Variants in MED24 observed in about 807,000 individuals in gnomAD.
MED24 encodes the protein mediator of RNA polymerase II transcription subunit 24.
A neutral mutation model predicts 118.8 loss-of-function variants in MED24; 74 were observed. The observed-to-expected ratio is 0.62, with a 90% CI of 0.52 to 0.76. MED24 has a LOEUF of 0.76. MED24 is among the 30% of genes least tolerant of loss of function. The pLI is 0.00. For missense variants in MED24, 1,041 were observed against 1,278.9 expected (o/e 0.81, Z 2.84); for synonymous variants, 521 against 523.9 (o/e 0.99, Z 0.08).
chr17:40,051,550 G>T (rs1262426634), intron 3 of MED24, among the ~76,000 whole-genome samples: 3 of 151,956 alleles, frequency 2.0e-5, no homozygotes, highest in Non-Finnish European at 4.4e-5. Flanking sequence ...GGAGGCAGAG[G>T]TTGCAGTAAG....
chr17:40,028,416 A>G (rs1219717035), intron 14 of MED24, among the ~76,000 whole-genome samples: 1 of 152,124 alleles, frequency 6.6e-6, no homozygotes. Flanking sequence ...ACCCGGCCAG[A>G]AGGATTTTTA....
chr17:40,039,844 C>T (rs1191915734), intron 3 of MED24, among the ~76,000 whole-genome samples: 1 of 147,320 alleles, frequency 6.8e-6, no homozygotes, highest in Non-Finnish European at 1.5e-5. Context: ...AGTGCAGCGG[C>T]GAGATCTCAG....
Position 40,053,883 on chromosome 17 carries a change from C to A in MED24, c.-37-248G>T, listed in dbSNP as rs890983254. The stretch of plus-strand genomic sequence containing the variant: ...CAGTGGCTCGCACCTGTAATCCCAG[C>A]ACTTCGGGAGGCAGAGGCGGGCGAA... On this transcript the variant is annotated intron_variant, in intron 1 of 25. Transcript: ENST00000394128. 4 of 596,236 alleles carry A rather than the reference C, an allele frequency of 6.7e-6. No individual in the cohort carries two copies. In the East Asian group the frequency reaches 8.4e-5, roughly 13 times the overall value. 36.9% of individuals were successfully genotyped at this position (596,236 alleles called of 1,614,324 possible).
rs1982159727 is a variant in MED24, at chr17:40,022,550, G to A, written c.2433-66C>T. 5 of 1,595,856 alleles carry A rather than the reference G, an allele frequency of 3.1e-6. No homozygotes were observed. In the South Asian group the frequency reaches 5.6e-5, roughly 18 times the overall value. On this transcript the variant is annotated intron_variant, in intron 21 of 25. Coordinates refer to ENST00000394128, the MANE Select transcript of MED24 (RefSeq NM_014815.4). ...CCCCAGGAGCTTTCTGTGTCTGACT[G>A]GGCTCCCCAAAGCCCAGTCTCCCAG...
At chr17:40,051,064 AG>A (rs1985784469) in intron 3 of MED24, among the ~76,000 whole-genome samples, 1 of 145,392 alleles carries the variant, frequency 6.9e-6, no homozygotes. Flanking sequence ...TGAACCTGGG[AG>A]GCAGAGGTTG....
chr17:40,032,887 A>G, intron 8 of MED24, 125 bp from the exon 9 acceptor site: 1 of 1,302,466 alleles, frequency 7.7e-7, no homozygotes, highest in Non-Finnish European at 1.1e-6. Context: ...ATGTGCTGAG[A>G]ACCAGGGGAG....
rs1421153530 is a variant in MED24, at chr17:40,035,360, G to A, written c.327-11C>T. On this transcript the variant is annotated splice_polypyrimidine_tract_variant and intron_variant, in intron 5 of 25. Coordinates refer to ENST00000394128, the MANE Select transcript of MED24 (RefSeq NM_014815.4). ...GCTTTGCCGTGACAGCTACAGGGAA[G>A]GATGCAAAATCAGACTCTGTTCTTC... The A allele has an allele frequency of 3.2e-6, 5 of 1,567,542 alleles. No individual in the cohort carries two copies. In the African/African-American group the frequency reaches 6.8e-5, roughly 21 times the overall value.
chr17:40,024,105 C>T (rs145538966), intron 19 of MED24, among the ~76,000 whole-genome samples: 5 of 152,200 alleles, frequency 3.3e-5, no homozygotes, highest in African/African-American at 9.6e-5. Flanking sequence ...AAGCTCCCTA[C>T]TTGGTAGGGC....
chr17:40,054,154 G>C (rs535054458), intron 1 of MED24: 1 of 183,858 alleles, frequency 5.4e-6, no homozygotes, highest in African/African-American at 2.4e-5. Flanking sequence ...GAATAAAGAA[G>C]TATCAAAGGG....
intron 5 of MED24, 119 bp from the exon 6 acceptor site, chr17:40,035,468 A>C: frequency 8.6e-7 from 1 of 1,162,564 alleles, no homozygotes; most frequent in Non-Finnish European, 1.2e-6. Context: ...AGAAGCTAGC[A>C]AAGTCCTGGG....
chr17:40,023,647 C>A (rs900188260), intron 19 of MED24: 9 of 442,728 alleles, frequency 2.0e-5, no homozygotes, highest in African/African-American at 6.0e-5. Context: ...CTCCCCCTGG[C>A]CATTCCAGCC....
At chr17:40,022,232 G>T (rs1313730454) in intron 22 of MED24, among the ~76,000 whole-genome samples, 162 bp downstream of exon 22, 2 of 152,188 alleles carry the variant, frequency 1.3e-5, no homozygotes, top group African/African-American at 4.8e-5. Context: ...GCAAGCTGGG[G>T]CCACACAAAT....
At chr17:40,036,038 T>G in intron 4 of MED24, 78 bp downstream of exon 4, 1 of 1,478,126 alleles carries the variant, frequency 6.8e-7, no homozygotes, top group Non-Finnish European at 9.5e-7. Flanking sequence ...GCCTCACGGG[T>G]CACAGCATCA....
chr17:40,029,701 G>A (rs1315524296), intron 13 of MED24, 47 bp downstream of exon 13: 1 of 1,549,420 alleles, frequency 6.5e-7, no homozygotes, highest in South Asian at 1.1e-5. Context: ...TGGAGCACTG[G>A]AAAGAAGAAA....
intron 24 of MED24, 82 bp from the exon 25 acceptor site, chr17:40,020,015 A>G: frequency 6.7e-7 from 1 of 1,483,788 alleles, no homozygotes; most frequent in South Asian, 1.2e-5. Context: ...GTGGGACTGA[A>G]AAGGGAAAAG....
chr17:40,033,009 C>A lies in MED24; in HGVS notation c.822+47G>T, dbSNP rs1397759397. ...GAAGAATCCTCCCTCCTGCCCCCAA[C>A]AGGCTGGCCTGCCTTGGAGAAGGGA... is the stretch of plus-strand genomic sequence containing the variant. On this transcript the variant is annotated intron_variant, in intron 8 of 25. Coordinates refer to ENST00000394128, the MANE Select transcript of MED24 (RefSeq NM_014815.4). This position sits in a 1 kb window ranked among gnomAD's most constrained non-coding sequence, Gnocchi z 5.2. 1 of 1,608,298 alleles carries A rather than the reference C, an allele frequency of 6.2e-7. No individual in the cohort carries two copies. Among genetic ancestry groups the A allele is most frequent in the Non-Finnish European group, 8.5e-7 (1 of 1,177,526 alleles).
At chr17:40,051,649 G>A (rs1455501810) in intron 3 of MED24, among the ~76,000 whole-genome samples, 5 of 150,946 alleles carry the variant, frequency 3.3e-5, no homozygotes, top group South Asian at 2.1e-4. Context: ...AAGGCTGGGC[G>A]TGGTGGCTCA....
chr17:40,023,533 GGGGGAC>G, intron 19 of MED24, 138 bp from the exon 20 acceptor site: 1 of 827,666 alleles, frequency 1.2e-6, no homozygotes, highest in Non-Finnish European at 1.8e-6. Flanking sequence ...GTTTTGCGCT[GGGGGAC>G]GGTATACCCC....
intron 23 of MED24, 155 bp from the exon 24 acceptor site, chr17:40,020,508 C>A: frequency 6.6e-7 from 1 of 1,517,594 alleles, no homozygotes; most frequent in Non-Finnish European, 8.9e-7. Context: ...CAAAGGGAGG[C>A]CAGGTACAGT....
Sources: allele counts gnomAD v4.1 joint callset (sites outside exome capture counted in the v4.1 genomes callset), GRCh38; gene constraint gnomAD v4.1.1; non-coding constraint Gnocchi (gnomAD v3.1); transcripts MANE v1.5; gene names NCBI Gene and HGNC (gene_info 2026-07-23, HGNC 2026-07-21).